The following C1QTNF4 variants were observed in gnomAD, a reference collection of about 807,000 sequenced individuals.
C1QTNF4 encodes the protein C1q and TNF related 4, also known as complement C1q tumor necrosis factor-related protein 4.
In C1QTNF4, 12 loss-of-function variants were observed where a neutral mutation model predicts 14.6. That is an observed-to-expected ratio of 0.82 (90% confidence interval 0.53 to 1.33). The LOEUF is 1.33. Ranked by LOEUF, C1QTNF4 falls within the 40% of genes most tolerant of loss-of-function variation. The probability of loss-of-function intolerance (pLI) is 0.00; values close to 1 mark genes in which losing one functional copy is unlikely to be tolerated. For synonymous variants in C1QTNF4, 278 were observed against 246.6 expected (o/e 1.13, Z -1.19); for missense variants, 558 against 500.3 (o/e 1.12, Z -1.10).
At chr11:47,591,299 T>C (rs1190465685) in intron 1 of C1QTNF4, among the ~76,000 whole-genome samples, 3 of 152,012 alleles carry the variant, frequency 2.0e-5, no homozygotes, top group Non-Finnish European at 4.4e-5. Flanking sequence ...AGGCTGGTCT[T>C]GAACTGACCT....
At position 47,590,416 on chromosome 11, in the gene C1QTNF4, A is replaced by G. The variant is rs986616169; in HGVS notation, c.395T>C (p.Val132Ala). ...AMLQLDYGDT[V>A]WLRLHGAPQY... ...CGGGGCGCCATGCAGCCGCAGCCAC[A>G]CTGTGTCGCCGTAGTCGAGCTGCAG... Residue 132 changes from valine (V) to alanine (A), a missense_variant, in exon 2 of 2, where the codon GTG becomes GCG. Coordinates refer to ENST00000302514, the MANE Select transcript of C1QTNF4 (RefSeq NM_031909.3). The G allele has an allele frequency of 6.7e-6, 10 of 1,498,108 alleles. No individual in the cohort carries two copies. Among genetic ancestry groups the G allele is most frequent in the African/African-American group, 4.2e-5 (3 of 71,044 alleles). 92.8% of individuals were successfully genotyped at this position (1,498,108 alleles called of 1,614,324 possible). A position where few individuals can be genotyped will look rare whatever the true frequency, so the allele number is the denominator to read the frequency against.
chr11:47,590,609 A>C lies in C1QTNF4; in HGVS notation c.202T>G (p.Phe68Val). 1.2e-6 allele frequency: 2 copies of C among 1,609,304 alleles called. No homozygotes were observed. The highest frequency in any genetic ancestry group is 1.7e-6 in the Non-Finnish European group (2 of 1,178,606). ...GGDFDVATGQ[F>V]RCRVPGAYFF... ...TAGGCGCCGGGCACGCGGCAGCGAA[A>C]CTGGCCGGTGGCCACATCGAAGTCG... Residue 68 changes from phenylalanine (F) to valine (V), a missense_variant, in exon 2 of 2, where the codon TTT becomes GTT. Phe to Val is a conservative substitution (Grantham distance 50). Transcript: ENST00000302514.
At position 47,590,139 on chromosome 11, in the gene C1QTNF4, ACGGCAG is replaced by A. The variant is rs779804077; in HGVS notation, c.666_671del (p.Cys223_Arg224del). 1.6e-5 allele frequency: 26 copies of A among 1,605,012 alleles called. No homozygotes were observed. The highest frequency in any genetic ancestry group is 1.9e-5 in the Non-Finnish European group (22 of 1,176,968). On this transcript the variant is annotated inframe_deletion, in exon 2 of 2. Transcript: ENST00000302514. The stretch of plus-strand genomic sequence containing the variant: ...AGGAGAAGAAGTAGGCGCCGGGCAG[ACGGCAG>A]CGGAACACGCCGGCCGCCGCGTCGA...
At position 47,589,769 on chromosome 11, in the gene C1QTNF4, C is replaced by G; in HGVS notation, c.*52G>C. On this transcript the variant is annotated 3_prime_UTR_variant, in exon 2 of 2. Coordinates refer to ENST00000302514, the MANE Select transcript of C1QTNF4 (RefSeq NM_031909.3). Reference sequence around the variant, plus strand: ...GCGCGGGACTTTCGAGCCTCCGGCCCGGCCTGGCATGCACGCCCCTGGCCC... The same window carrying G: ...GCGCGGGACTTTCGAGCCTCCGGCCGGGCCTGGCATGCACGCCCCTGGCCC... 7.0e-7 allele frequency: 1 copy of G among 1,422,114 alleles called. No individual in the cohort carries two copies. Among genetic ancestry groups the G allele is most frequent in the Non-Finnish European group, 9.2e-7 (1 of 1,083,058 alleles). 88.1% of individuals were successfully genotyped at this position (1,422,114 alleles called of 1,614,324 possible). A position where few individuals can be genotyped will look rare whatever the true frequency, so the allele number is the denominator to read the frequency against.
chr11:47,589,744 G>A lies in C1QTNF4; in HGVS notation c.*77C>T, dbSNP rs1213254840. 3 of 1,355,588 alleles carry A rather than the reference G, an allele frequency of 2.2e-6. No individual in the cohort carries two copies. The highest frequency in any genetic ancestry group is 1.5e-5 in the African/African-American group (1 of 64,954). 84.0% of individuals were successfully genotyped at this position (1,355,588 alleles called of 1,614,324 possible). On this transcript the variant is annotated 3_prime_UTR_variant, in exon 2 of 2. Coordinates refer to ENST00000302514, the MANE Select transcript of C1QTNF4 (RefSeq NM_031909.3). ...GGCGCGCCCGGAGGCCGTGGCGCTC[G>A]CGCGGGACTTTCGAGCCTCCGGCCC...
At position 47,590,325 on chromosome 11, in the gene C1QTNF4, A is replaced by AGCGTCG. The variant is rs932030824; in HGVS notation, c.480_485dup (p.Asp163_Ala164dup). ...CGGGCGGCCCGCGCGCAGGCGCGTC[A>AGCGTCG]GCGTCGGCGTCGGCGTAGACTAGGT... On this transcript the variant is annotated inframe_insertion, in exon 2 of 2. Transcript: ENST00000302514. The AGCGTCG allele has an allele frequency of 4.5e-5, 57 of 1,269,966 alleles. No homozygotes were observed. Among genetic ancestry groups the AGCGTCG allele is most frequent in the African/African-American group, 6.4e-5 (4 of 62,240 alleles). 78.7% of individuals were successfully genotyped at this position (1,269,966 alleles called of 1,614,324 possible).
rs762913696 is a variant in C1QTNF4, at chr11:47,590,709, C to T, written c.102G>A (p.Ala34=). 3 of 1,610,892 alleles carry T rather than the reference C, an allele frequency of 1.9e-6. No homozygotes were observed. The highest frequency in any genetic ancestry group is 2.7e-5 in the African/African-American group (2 of 74,848). The part of the protein sequence containing the change: ...GSSELRSAFS[A]ARTTPLEGTS... ...TGCCCTCCAGGGGGGTGGTGCGTGC[C>T]GCCGAGAAGGCCGAGCGCAGCTCAG... Residue 34 remains alanine (A), a synonymous_variant, in exon 2 of 2, where the codon GCG becomes GCA. Coordinates refer to ENST00000302514, the MANE Select transcript of C1QTNF4 (RefSeq NM_031909.3).
intron 1 of C1QTNF4, among the ~76,000 whole-genome samples, chr11:47,593,583 C>T (rs997202248): frequency 2.6e-5 from 4 of 152,134 alleles, no homozygotes; most frequent in East Asian, 1.9e-4. Flanking sequence ...CCTGGATCCT[C>T]GTCCTTCCCT....
rs767440534 is a variant in C1QTNF4, at chr11:47,589,829, G to A, written c.982C>T (p.Leu328=). 14 of 1,539,920 alleles carry A rather than the reference G, an allele frequency of 9.1e-6. 1 individual carries two copies. Among genetic ancestry groups the A allele is most frequent in the South Asian group, 6.0e-5 (5 of 83,004 alleles). The change falls in exon 2 of 2, where the codon CTA becomes TTA. Residue 328 remains leucine (L), a synonymous_variant. Coordinates refer to ENST00000302514, the MANE Select transcript of C1QTNF4 (RefSeq NM_031909.3). ...CTTCTCTGGCCCGGGGCTCACAGTA[G>A]CTCCGAGGCCCCGAGGCCCGGCGGG... The part of the protein sequence containing the change: ...AAPPGLGASE[L]L
In C1QTNF4 at chr11:47,590,531, G is replaced by A; in HGVS notation, c.280C>T (p.Leu94=). The A allele has an allele frequency of 6.3e-7, 1 of 1,595,570 alleles. No individual in the cohort carries two copies. The highest frequency in any genetic ancestry group is 8.5e-7 in the Non-Finnish European group (1 of 1,172,296). Residue 94 remains leucine (L), a synonymous_variant, in exon 2 of 2, where the codon CTG becomes TTG. Coordinates refer to ENST00000302514, the MANE Select transcript of C1QTNF4 (RefSeq NM_031909.3). ...KAPHKSLSVM[L]VRNRDEVQAL... The stretch of plus-strand genomic sequence containing the variant: ...TGCACCTCGTCGCGGTTTCGCACCA[G>A]CATCACCGACAGGCTCTTGTGCGGG...
chr11:47,589,722 G>C lies in C1QTNF4; in HGVS notation c.*99C>G. ...TCCGCTTTATTGGCAGAGTCCAGGC[G>C]CGCCCGGAGGCCGTGGCGCTCGCGC... On this transcript the variant is annotated 3_prime_UTR_variant, in exon 2 of 2. Transcript: ENST00000302514. The C allele has an allele frequency of 8.4e-7, 1 of 1,190,262 alleles. No homozygotes were observed. Among genetic ancestry groups the C allele is most frequent in the Non-Finnish European group, 1.1e-6 (1 of 886,944 alleles). 73.7% of individuals were successfully genotyped at this position (1,190,262 alleles called of 1,614,324 possible). A position where few individuals can be genotyped will look rare whatever the true frequency, so the allele number is the denominator to read the frequency against.
chr11:47,594,968 A>C (rs2097277452), upstream of C1QTNF4, among the ~76,000 whole-genome samples: 2 of 152,044 alleles, frequency 1.3e-5, no homozygotes, highest in Non-Finnish European at 2.9e-5. Context: ...AGTAAGGAGG[A>C]GAGTCCTTGG....
At chr11:47,591,529 C>T (rs1363763070) in intron 1 of C1QTNF4, among the ~76,000 whole-genome samples, 1 of 151,824 alleles carries the variant, frequency 6.6e-6, no homozygotes, top group East Asian at 1.9e-4. Context: ...GCTGGGACTA[C>T]AGGCTTGCAC....
rs1258234176 is a variant in C1QTNF4 at position 47,590,157 on chromosome 11, G to A, written c.654C>T (p.Ala218=). The change falls in exon 2 of 2, where the codon GCC becomes GCT. Residue 218 remains alanine, a synonymous_variant. Coordinates refer to ENST00000302514, the MANE Select transcript of C1QTNF4 (RefSeq NM_031909.3). ...VNIGGDFDAA[A]GVFRCRLPGA... ...CGGGCAGACGGCAGCGGAACACGCC[G>A]GCCGCCGCGTCGAAGTCGCCGCCAA... 2 of 1,604,048 alleles carry A rather than the reference G, an allele frequency of 1.2e-6. No individual in the cohort carries two copies. Among genetic ancestry groups the A allele is most frequent in the African/African-American group, 1.3e-5 (1 of 74,544 alleles).
Position 47,589,892 on chromosome 11 carries a change from A to C in C1QTNF4, c.919T>G (p.Ser307Ala). ...YSNHGKYITF[S>A]GFLVYPDLAP... ...AGGTCGGGGTACACCAGGAAGCCGG[A>C]GAAGGTGATGTACTTGCCGTGGTTG... Residue 307 changes from serine (S) to alanine (A), a missense_variant, in exon 2 of 2, where the codon TCC becomes GCC. Transcript: ENST00000302514. 6.4e-7 allele frequency: 1 copy of C among 1,572,590 alleles called. No homozygotes were observed.
In C1QTNF4 at chr11:47,589,981, G is replaced by C; in HGVS notation, c.830C>G (p.Ala277Gly). 1 of 1,611,566 alleles carries C rather than the reference G, an allele frequency of 6.2e-7. No homozygotes were observed. Among genetic ancestry groups the C allele is most frequent in the Non-Finnish European group, 8.5e-7 (1 of 1,178,512 alleles). Residue 277 changes from alanine to glycine, a missense_variant, in exon 2 of 2, where the codon GCC becomes GGC. Transcript: ENST00000302514. ...REMQSQSVMLALRRGDAVWLL... is the reference protein window; with the variant it reads ...REMQSQSVMLGLRRGDAVWLL... ...CCAGACGGCGTCGCCGCGCCGCAGGGCCAGCATCACGCTCTGGCTCTGCAT... is the reference window on the plus strand; with the variant it reads ...CCAGACGGCGTCGCCGCGCCGCAGGCCCAGCATCACGCTCTGGCTCTGCAT...
rs925351864 is a variant in C1QTNF4 at position 47,590,732 on chromosome 11, C to A, written c.79G>T (p.Glu27Ter). 16 of 1,608,058 alleles carry A rather than the reference C, an allele frequency of 9.9e-6. No homozygotes were observed. Among genetic ancestry groups the A allele is most frequent in the Non-Finnish European group, 1.4e-5 (16 of 1,177,980 alleles). Reference protein sequence around the residue: ...LGPTPGPGSSELRSAFSAART... With the variant: ...LGPTPGPGSS ...GCCGCCGAGAAGGCCGAGCGCAGCTCAGAGGATCCCGGGCCGGGGGTCGGG... is the reference window on the plus strand; with the variant it reads ...GCCGCCGAGAAGGCCGAGCGCAGCTAAGAGGATCCCGGGCCGGGGGTCGGG... The change falls in exon 2 of 2, where the codon GAG becomes TAG. Residue 27 changes from glutamate (E) to a stop codon, truncating the protein, a stop_gained. Coordinates refer to ENST00000302514, the MANE Select transcript of C1QTNF4 (RefSeq NM_031909.3). LOFTEE classifies it high-confidence loss of function.
rs1377536245 is a variant in C1QTNF4, at chr11:47,594,278, G to GCGGC, written c.-140_-137dup. ...GCTGACCGCCCGCGCTGCGGCAGGG[G>GCGGC]CGGCGGGGGCTCCGGCTGCTTTTCC... is the stretch of plus-strand genomic sequence containing the variant. On this transcript the variant is annotated 5_prime_UTR_variant, in exon 1 of 2. Transcript: ENST00000302514. 3.3e-5 allele frequency: 5 copies of GCGGC among 152,360 alleles called. No homozygotes were observed. Among genetic ancestry groups the GCGGC allele is most frequent in the African/African-American group, 1.2e-4 (5 of 41,564 alleles). 9.4% of individuals were successfully genotyped at this position (152,360 alleles called of 1,614,324 possible).
In C1QTNF4 at chr11:47,590,198, T is replaced by C; in HGVS notation, c.613A>G (p.Thr205Ala). ...GPRHQPLAFDTEFVNIGGDFD... is the reference protein window; with the variant it reads ...GPRHQPLAFDAEFVNIGGDFD... ...TCGCCGCCAATGTTGACGAACTCGG[T>C]GTCGAAGGCGAGTGGTTGGTGCCGC... The change falls in exon 2 of 2, where the codon ACC (threonine) becomes GCC (alanine). Residue 205 changes from threonine to alanine, a missense_variant. By Grantham distance (58) the Thr-to-Ala change is moderately conservative (BLOSUM62 0). Transcript: ENST00000302514. 7 of 1,586,158 alleles carry C rather than the reference T, an allele frequency of 4.4e-6. No individual in the cohort carries two copies. Among genetic ancestry groups the C allele is most frequent in the South Asian group, 3.4e-5 (3 of 88,420 alleles).
Sources: allele counts gnomAD v4.1 joint callset (sites outside exome capture counted in the v4.1 genomes callset), GRCh38; gene constraint gnomAD v4.1.1; transcripts MANE v1.5; gene names NCBI Gene and HGNC (gene_info 2026-07-23, HGNC 2026-07-21).